The following RAB6A variants were observed in gnomAD, a reference collection of about 807,000 sequenced individuals.
The protein encoded by RAB6A is RAB6A, member RAS oncogene family.
Under a neutral mutation model 32.3 loss-of-function variants are expected in RAB6A, and 8 were observed. That is an observed-to-expected ratio of 0.25 (90% CI 0.15 to 0.45). The LOEUF (loss-of-function observed/expected upper bound fraction) is 0.45. Among genes scored for constraint, RAB6A ranks in the 20% least tolerant of loss-of-function variants. The pLI is 1.00. For missense variants in RAB6A, 104 were observed against 249.4 expected (o/e 0.42, Z 3.93); for synonymous variants, 73 against 82.1 (o/e 0.89, Z 0.60).
At chr11:73,735,983 A>G (rs1590876940) in intron 1 of RAB6A, among the ~76,000 whole-genome samples, 1 of 147,982 alleles carries the variant, frequency 6.8e-6, no homozygotes, top group South Asian at 2.1e-4. Flanking sequence ...CATACAATTC[A>G]CCTACTTTTT....
At chr11:73,747,456 C>T (rs972578788) in intron 1 of RAB6A, among the ~76,000 whole-genome samples, 65 of 148,642 alleles carry the variant, frequency 4.4e-4, no homozygotes, top group Admixed American at 1.0e-3. Flanking sequence ...GCCCCGCCCC[C>T]GGCCTCCCAA....
At chr11:73,731,687 TATATATATATATATATATATATATA>T (rs1946306763) in intron 1 of RAB6A, among the ~76,000 whole-genome samples, 5 of 4,102 alleles carry the variant, frequency 1.2e-3, no homozygotes, top group African/African-American at 3.1e-3. Context: ...ATAGATATTA[TATATATATATATATATATATATATA>T]TATATATATA....
chr11:73,681,724 G>C (rs930412939), intron 6 of RAB6A, among the ~76,000 whole-genome samples: 1 of 152,142 alleles, frequency 6.6e-6, no homozygotes, highest in African/African-American at 2.4e-5. Flanking sequence ...CAGAAGAATC[G>C]CTTGAACCCA....
At chr11:73,745,783 G>A (rs1024722870) in intron 1 of RAB6A, among the ~76,000 whole-genome samples, 1 of 152,030 alleles carries the variant, frequency 6.6e-6, no homozygotes, top group Non-Finnish European at 1.5e-5. Flanking sequence ...AGTGAGCCAA[G>A]ATCACTCCAC....
intron 1 of RAB6A, among the ~76,000 whole-genome samples, chr11:73,734,151 G>A (rs1332488433): frequency 6.6e-6 from 1 of 151,806 alleles, no homozygotes; most frequent in African/African-American, 2.4e-5. Flanking sequence ...TTTGAGACGG[G>A]GTCTCACTCT....
intron 1 of RAB6A, among the ~76,000 whole-genome samples, chr11:73,738,625 G>A (rs1456850206): frequency 1.3e-5 from 2 of 152,076 alleles, no homozygotes; most frequent in African/African-American, 2.4e-5. Flanking sequence ...CTCCAGCCCT[G>A]GCAACAGGGT....
intron 7 of RAB6A, 126 bp downstream of exon 7, chr11:73,679,528 T>C: frequency 8.4e-7 from 1 of 1,185,386 alleles, no homozygotes; most frequent in Non-Finnish European, 1.2e-6. Flanking sequence ...CAAATGAATT[T>C]CTATGCCTTT....
intron 1 of RAB6A, among the ~76,000 whole-genome samples, chr11:73,753,753 T>G (rs1335543751): frequency 6.6e-6 from 1 of 151,218 alleles, no homozygotes; most frequent in Non-Finnish European, 1.5e-5. Flanking sequence ...CCTCAAGTGA[T>G]CTGCCCACCT....
At chr11:73,705,064 G>A (rs952649026) in intron 6 of RAB6A, among the ~76,000 whole-genome samples, 6 of 152,080 alleles carry the variant, frequency 3.9e-5, no homozygotes, top group African/African-American at 7.2e-5. Flanking sequence ...CAAACATTAT[G>A]AAGATACTAG....
At chr11:73,730,625 C>G in intron 2 of RAB6A, 140 bp downstream of exon 2, 1 of 650,776 alleles carries the variant, frequency 1.5e-6, no homozygotes, top group Non-Finnish European at 2.6e-6. Context: ...ATCATTTACA[C>G]ATTGTATTTA....
At chr11:73,710,960 T>G (rs1256520343) in intron 5 of RAB6A, among the ~76,000 whole-genome samples, 1 of 152,122 alleles carries the variant, frequency 6.6e-6, no homozygotes, top group Non-Finnish European at 1.5e-5. Flanking sequence ...GATTTATAGT[T>G]TAACGGCTAT....
intron 1 of RAB6A, among the ~76,000 whole-genome samples, chr11:73,754,982 G>C (rs979337362): frequency 6.6e-6 from 1 of 152,030 alleles, no homozygotes; most frequent in South Asian, 2.1e-4. Context: ...GAGTGCAATG[G>C]CGTGATCTTG....
At chr11:73,758,532 G>T (rs1723844) in intron 1 of RAB6A, among the ~76,000 whole-genome samples, 12,930 of 152,046 alleles carry the variant, frequency 0.085, 726 homozygotes, top group African/African-American at 0.16. Context: ...AGTAATGGAG[G>T]GGGGAGGGTA....
intron 3 of RAB6A, among the ~76,000 whole-genome samples, chr11:73,719,382 T>G (rs1044339575): frequency 1.2e-4 from 18 of 152,248 alleles, no homozygotes; most frequent in African/African-American, 4.1e-4. Flanking sequence ...TTCAAACCTG[T>G]TTTTTAACTA....
chr11:73,693,160 C>T (rs1001870522), intron 6 of RAB6A, among the ~76,000 whole-genome samples: 8 of 151,882 alleles, frequency 5.3e-5, no homozygotes, highest in East Asian at 1.9e-4. Context: ...TGGTGGCACA[C>T]GCCTGTAATC....
intron 6 of RAB6A, among the ~76,000 whole-genome samples, chr11:73,685,547 A>G (rs1227660798): frequency 3.3e-5 from 4 of 122,156 alleles, no homozygotes; most frequent in Admixed American, 9.1e-5. Flanking sequence ...TCAGCCTCCC[A>G]AAGTGCTGGG....
chr11:73,759,194 T>C (rs1424653998), intron 1 of RAB6A, among the ~76,000 whole-genome samples: 1 of 152,198 alleles, frequency 6.6e-6, no homozygotes, highest in Non-Finnish European at 1.5e-5. Flanking sequence ...AAACACCTAG[T>C]AGGTACTCAA....
intron 1 of RAB6A, among the ~76,000 whole-genome samples, chr11:73,738,423 G>A (rs1480340139): frequency 1.3e-5 from 2 of 152,146 alleles, no homozygotes; most frequent in Non-Finnish European, 2.9e-5. Flanking sequence ...GCTGAAACTG[G>A]AGGATGCTTG....
intron 1 of RAB6A, among the ~76,000 whole-genome samples, chr11:73,754,710 G>A (rs1018010187): frequency 6.6e-6 from 1 of 152,112 alleles, no homozygotes; most frequent in Non-Finnish European, 1.5e-5. Flanking sequence ...CTTGAGGCCA[G>A]GAGTTTGAGA....
Sources: allele counts gnomAD v4.1 joint callset (sites outside exome capture counted in the v4.1 genomes callset), GRCh38; gene constraint gnomAD v4.1.1; transcripts MANE v1.5; gene names NCBI Gene and HGNC (gene_info 2026-07-23, HGNC 2026-07-21).